Variants in RYR1 observed in about 807,000 individuals in gnomAD.
RYR1 encodes central core disease of muscle.
In RYR1, 342 loss-of-function variants were observed where a neutral mutation model predicts 583.5. The observed-to-expected ratio is 0.59, with a 90% CI of 0.54 to 0.64. The LOEUF (loss-of-function observed/expected upper bound fraction) is 0.64. Ranked by LOEUF, RYR1 falls within the 30% of genes least tolerant of loss-of-function variation. The pLI is 0.00. For synonymous variants in RYR1, 2,791 were observed against 2,822.5 expected (o/e 0.99, Z 0.35); for missense variants, 6,032 against 6,917.2 (o/e 0.87, Z 4.54).
intron 76 of RYR1, among the ~76,000 whole-genome samples, chr19:38,529,590 A>G (rs766431185): frequency 6.6e-6 from 1 of 152,234 alleles, no homozygotes; most frequent in Non-Finnish European, 1.5e-5. Flanking sequence ...GGTTCGTATC[A>G]CAGACAATGT....
chr19:38,536,221 C>T (rs1971958877), intron 82 of RYR1, 151 bp downstream of exon 82: 2 of 682,326 alleles, frequency 2.9e-6, no homozygotes, highest in South Asian at 3.5e-5. Flanking sequence ...GCTGTGGTCC[C>T]CCAGTCCCAC....
chr19:38,586,323 C>A, intron 104 of RYR1, 132 bp downstream of exon 104: 1 of 1,129,170 alleles, frequency 8.9e-7, no homozygotes, highest in Non-Finnish European at 1.3e-6. Context: ...GCCAGCCAAT[C>A]AGAAGGTAAG....
At chr19:38,464,466 G>A (rs185019871) in intron 22 of RYR1, among the ~76,000 whole-genome samples, 173 bp from the exon 23 acceptor site, 1 of 152,200 alleles carries the variant, frequency 6.6e-6, no homozygotes, top group Non-Finnish European at 1.5e-5. Context: ...CAAGGCGCAG[G>A]GAAAGACAGA....
At chr19:38,467,967 G>GATTC (rs1968198933) in intron 25 of RYR1, 155 bp downstream of exon 25, 1 of 681,274 alleles carries the variant, frequency 1.5e-6, no homozygotes, top group East Asian at 2.7e-5. Context: ...TTCAACCAAT[G>GATTC]ATTCATCCAT....
chr19:38,455,434 A>G lies in RYR1; in HGVS notation c.1577-17A>G, dbSNP rs774354696. ...GATCCCCAGTCCTATTGGATCTGAC[A>G]CCTCTTCCCCCCTCAGCTTCTCTAA... On this transcript the variant is annotated splice_polypyrimidine_tract_variant and intron_variant, in intron 14 of 105. Transcript: ENST00000359596. 6.2e-7 allele frequency: 1 copy of G among 1,613,758 alleles called. No individual in the cohort carries two copies. Among genetic ancestry groups the G allele is most frequent in the Admixed American group, 1.7e-5 (1 of 60,000 alleles).
At position 38,504,874 on chromosome 19, in the gene RYR1, G is replaced by A. The variant is rs1350334133; in HGVS notation, c.8194G>A (p.Glu2732Lys). The A allele has an allele frequency of 1.9e-6, 3 of 1,614,170 alleles. No homozygotes were observed. The highest frequency in any genetic ancestry group is 4.5e-5 in the East Asian group (2 of 44,882). Residue 2732 changes from glutamate to lysine, a missense_variant, in exon 51 of 106, where the codon GAA becomes AAA. Coordinates refer to ENST00000359596, the MANE Select transcript of RYR1 (RefSeq NM_000540.3). ...KAEKKATVDA[E>K]GNFDPRPVET... ...AGAGAAAAAGGCCACAGTGGATGCT[G>A]AAGGCAACTTTGATCCCCGGCCTGT...
At chr19:38,582,895 C>T (rs1018540010) in intron 101 of RYR1, among the ~76,000 whole-genome samples, 1 of 152,192 alleles carries the variant, frequency 6.6e-6, no homozygotes, top group Non-Finnish European at 1.5e-5. Context: ...ACATCTGAGG[C>T]TCTTCCAGAC....
intron 18 of RYR1, 74 bp downstream of exon 18, chr19:38,458,366 C>T (rs1967538543): frequency 1.3e-6 from 2 of 1,487,594 alleles, no homozygotes; most frequent in African/African-American, 2.8e-5. Flanking sequence ...GACCATACAC[C>T]TTGGGGTTCT....
chr19:38,494,682 C>T (rs1969726250), intron 39 of RYR1, 57 bp downstream of exon 39: 1 of 1,599,804 alleles, frequency 6.3e-7, no homozygotes, highest in Non-Finnish European at 8.6e-7. Flanking sequence ...TGAATACCCT[C>T]AGGATACAAT....
rs1159315581 is a variant in RYR1 at position 38,523,252 on chromosome 19, G to T, written c.10383G>T (p.Gln3461His). The T allele has an allele frequency of 6.2e-7, 1 of 1,614,194 alleles. No individual in the cohort carries two copies. Among genetic ancestry groups the T allele is most frequent in the South Asian group, 1.1e-5 (1 of 91,086 alleles). The change falls in exon 69 of 106, where the codon CAG (glutamine) becomes CAT (histidine). Residue 3461 changes from glutamine to histidine, a missense_variant. Gln to His is a conservative substitution (Grantham distance 24). Coordinates refer to ENST00000359596, the MANE Select transcript of RYR1 (RefSeq NM_000540.3). The stretch of plus-strand genomic sequence containing the variant: ...GCGAGGAGCAGAACTTTGTGGTCCA[G>T]AATGAGATCAACAACATGTCCTTCC... ...FKREEQNFVVQNEINNMSFLT... is the reference protein window; with the variant it reads ...FKREEQNFVVHNEINNMSFLT...
chr19:38,528,919 A>G, intron 75 of RYR1, 32 bp from the exon 76 acceptor site: 1 of 1,598,800 alleles, frequency 6.3e-7, no homozygotes, highest in Non-Finnish European at 8.5e-7. Flanking sequence ...GACTCTAGAA[A>G]CCCTCTCCCC....
chr19:38,547,164 C>T (rs1051468253), intron 88 of RYR1, among the ~76,000 whole-genome samples: 5 of 150,980 alleles, frequency 3.3e-5, no homozygotes, highest in Non-Finnish European at 5.9e-5. Flanking sequence ...TTGGCCTCCC[C>T]GGTAGCTGGG....
In RYR1 at chr19:38,494,514, C is replaced by A. The variant is rs771914477; in HGVS notation, c.6437C>A (p.Pro2146Gln). The A allele has an allele frequency of 6.2e-7, 1 of 1,613,684 alleles. No homozygotes were observed. The highest frequency in any genetic ancestry group is 8.5e-7 in the Non-Finnish European group (1 of 1,180,040). The change falls in exon 39 of 106, where the codon CCG becomes CAG. Residue 2146 changes from proline (P) to glutamine (Q), a missense_variant. Coordinates refer to ENST00000359596, the MANE Select transcript of RYR1 (RefSeq NM_000540.3). ...RALPRAYTIS[P>Q]SSVEDTMSLL... ...CTGCCGCGGGCGTACACCATCTCAC[C>A]GTCCTCCGTGGAAGACACCATGAGC...
chr19:38,585,830 A>G (rs528232745), intron 102 of RYR1, 108 bp from the exon 103 acceptor site: 1 of 1,323,394 alleles, frequency 7.6e-7, no homozygotes, highest in Non-Finnish European at 1.1e-6. Context: ...TAGGGGTGAG[A>G]TTAGGGAAAT....
At position 38,526,995 on chromosome 19, in the gene RYR1, A is replaced by C; in HGVS notation, c.10629A>C (p.Lys3543Asn). The C allele has an allele frequency of 1.2e-6, 2 of 1,613,902 alleles. No individual in the cohort carries two copies. Among genetic ancestry groups the C allele is most frequent in the South Asian group, 2.2e-5 (2 of 91,084 alleles). The change falls in exon 72 of 106, where the codon AAA becomes AAC. Residue 3543 changes from lysine to asparagine, a missense_variant and splice_region_variant. Around this residue, in one of 11 missense-constraint regions of RYR1, gnomAD observed 1,493 missense variants for 1,715.5 expected, o/e 0.87. Coordinates refer to ENST00000359596, the MANE Select transcript of RYR1 (RefSeq NM_000540.3). ...CCAGCCTGGCTCTGTCTCCCCAGAA[A>C]GACACAGATGAGGAGGTCCGGGAAT... is the stretch of plus-strand genomic sequence containing the variant. ...ITLAKTRYAL[K>N]DTDEEVREFL...
At chr19:38,457,453 C>T (rs765397038) in intron 16 of RYR1, 44 bp from the exon 17 acceptor site, 2 of 1,613,818 alleles carry the variant, frequency 1.2e-6, no homozygotes, top group Non-Finnish European at 1.7e-6. Context: ...GTAGATCCTG[C>T]CCTGGTGCCT....
At chr19:38,458,786 G>T (rs1460257783) in intron 18 of RYR1, among the ~76,000 whole-genome samples, 1 of 151,980 alleles carries the variant, frequency 6.6e-6, no homozygotes, top group African/African-American at 2.4e-5. Context: ...CACCACGCCC[G>T]GCTCATTTTT....
chr19:38,435,489 T>G (rs1457417961), intron 1 of RYR1, among the ~76,000 whole-genome samples: 1 of 152,262 alleles, frequency 6.6e-6, no homozygotes, highest in East Asian at 1.9e-4. Flanking sequence ...CTCAGCACTT[T>G]GGGAGGCCAA....
intron 96 of RYR1, among the ~76,000 whole-genome samples, chr19:38,574,588 T>A (rs1973873009): frequency 6.6e-6 from 1 of 151,958 alleles, no homozygotes; most frequent in Middle Eastern, 3.4e-3. Context: ...GCTATGATTA[T>A]GCCACTGTCC....
Sources: allele counts gnomAD v4.1 joint callset (sites outside exome capture counted in the v4.1 genomes callset), GRCh38; gene constraint gnomAD v4.1.1; regional missense constraint gnomAD v4.1.1; transcripts MANE v1.5; gene names NCBI Gene and HGNC (gene_info 2026-07-23, HGNC 2026-07-21).